DPP10: variants seen among roughly 807,000 people sequenced by gnomAD.
DPP10 encodes the protein inactive dipeptidyl peptidase 10.
DPP10 carries 33 observed loss-of-function variants against 120.9 expected under a neutral mutation model. The observed-to-expected ratio is 0.27, with a 90% CI of 0.21 to 0.37. The LOEUF (loss-of-function observed/expected upper bound fraction) is 0.37. Ranked by LOEUF, DPP10 falls within the 10% of genes least tolerant of loss-of-function variation. DPP10 has a pLI of 1.00. For synonymous variants in DPP10, 337 were observed against 326.1 expected, an observed-to-expected ratio of 1.03 and a Z score of -0.36; for missense variants, 816 against 942.8, an observed-to-expected ratio of 0.87 and a Z score of 1.76.
intron 3 of DPP10, among the ~76,000 whole-genome samples, chr2:115,488,789 A>G (rs1450336495): frequency 3.0e-5 from 4 of 132,234 alleles, no homozygotes; most frequent in Non-Finnish European, 6.4e-5. Flanking sequence ...TAGATGACAC[A>G]TTAGTGGGTG....
At chr2:115,378,853 T>G (rs1286901837) in intron 3 of DPP10, among the ~76,000 whole-genome samples, 1 of 152,158 alleles carries the variant, frequency 6.6e-6, no homozygotes, top group Admixed American at 6.5e-5. Flanking sequence ...CTGGATTACT[T>G]TTATTGATTT....
intron 4 of DPP10, among the ~76,000 whole-genome samples, chr2:115,521,783 G>A (rs186909230): frequency 9.5e-4 from 145 of 152,100 alleles, no homozygotes; most frequent in African/African-American, 3.3e-3. Flanking sequence ...AGTTGCCAAG[G>A]TAATAGTTCT....
chr2:115,653,671 A>G (rs1265812128), intron 5 of DPP10, among the ~76,000 whole-genome samples: 2 of 151,908 alleles, frequency 1.3e-5, no homozygotes, highest in Non-Finnish European at 2.9e-5. Context: ...TTTCTAGATG[A>G]TTCCATTCCC....
chr2:115,748,455 A>G (rs1385022352), intron 10 of DPP10, among the ~76,000 whole-genome samples: 1 of 152,052 alleles, frequency 6.6e-6, no homozygotes, highest in African/African-American at 2.4e-5. Context: ...TACAATAATA[A>G]TTGAATACAT....
intron 1 of DPP10, among the ~76,000 whole-genome samples, chr2:114,790,870 T>A (rs1286130825): frequency 6.6e-6 from 1 of 152,188 alleles, no homozygotes; most frequent in Admixed American, 6.5e-5. Context: ...TCTGGGCGAA[T>A]ACGTGCAGGT....
At chr2:114,718,428 A>T (rs1048203211) in intron 1 of DPP10, among the ~76,000 whole-genome samples, 3 of 140,114 alleles carry the variant, frequency 2.1e-5, no homozygotes, top group Non-Finnish European at 4.7e-5. Flanking sequence ...AAAAAAAATT[A>T]GTTCCTCAGT....
At chr2:114,582,693 AT>A (rs1446964438) in intron 1 of DPP10, among the ~76,000 whole-genome samples, 1 of 152,140 alleles carries the variant, frequency 6.6e-6, no homozygotes, top group African/African-American at 2.4e-5. Context: ...ATGACGTATG[AT>A]GTAGAGCCTG....
At chr2:114,841,815 G>T (rs1688182333) in intron 1 of DPP10, among the ~76,000 whole-genome samples, 1 of 152,112 alleles carries the variant, frequency 6.6e-6, no homozygotes, top group Non-Finnish European at 1.5e-5. Flanking sequence ...CCCTCAGATT[G>T]AGGTTTCCAA....
chr2:114,643,453 T>G lies in DPP10; in HGVS notation c.60+200615T>G, dbSNP rs1464564434. Among the ~76,000 whole-genome samples the G allele has an allele frequency of 3.9e-5, 6 of 152,010 alleles. 1 individual carries two copies. Among genetic ancestry groups the G allele is most frequent in the African/African-American group, 1.5e-4 (6 of 41,274 alleles). ...ACCATTCATAAGACTCTCTGGAGCA[T>G]GCAGGATACTGACAAGCTTTTTATT... On this transcript the variant is annotated intron_variant, in intron 1 of 25. Transcript: ENST00000410059.
chr2:114,755,660 A>T (rs147794531), intron 1 of DPP10, among the ~76,000 whole-genome samples: 278 of 152,148 alleles, frequency 1.8e-3, no homozygotes, highest in Non-Finnish European at 3.6e-3. Flanking sequence ...GATCCTATCC[A>T]CTCTTCTGAA....
At chr2:115,298,174 T>C (rs945633665) in intron 1 of DPP10, among the ~76,000 whole-genome samples, 1 of 152,068 alleles carries the variant, frequency 6.6e-6, no homozygotes, top group African/African-American at 2.4e-5. Flanking sequence ...TGTGAAATAG[T>C]CTCTGACCTG....
At chr2:114,982,797 G>C (rs1198151473) in intron 1 of DPP10, among the ~76,000 whole-genome samples, 1 of 151,530 alleles carries the variant, frequency 6.6e-6, no homozygotes, top group African/African-American at 2.4e-5. Context: ...TGTAGAAATG[G>C]AGTTTCGCCA....
chr2:114,462,023 C>T (rs1678958369), intron 1 of DPP10: 2 of 985,338 alleles, frequency 2.0e-6, no homozygotes, highest in South Asian at 9.4e-5. Flanking sequence ...CTTTCAAATT[C>T]ATCGCAGTTG....
intron 1 of DPP10, among the ~76,000 whole-genome samples, chr2:114,800,820 G>A (rs576950033): frequency 6.6e-6 from 1 of 152,066 alleles, no homozygotes; most frequent in Admixed American, 6.6e-5. Flanking sequence ...ACTGCCCTTG[G>A]TTAACATTTT....
At chr2:114,867,469 A>T (rs1294420193) in intron 1 of DPP10, among the ~76,000 whole-genome samples, 1 of 152,130 alleles carries the variant, frequency 6.6e-6, no homozygotes, top group Non-Finnish European at 1.5e-5. Flanking sequence ...TCTGCCCTCT[A>T]GGTAGAAGGT....
At position 114,506,073 on chromosome 2, in the gene DPP10, A is replaced by T. The variant is rs77522649; in HGVS notation, c.60+63235A>T. ...GGCAGAAGAAGGCAGGTCCCCGGCA[A>T]GGGCCCCAACCTCAAGCCTGAAACC... On this transcript the variant is annotated intron_variant, in intron 1 of 25. Transcript: ENST00000410059. Among the ~76,000 whole-genome samples the T allele has an allele frequency of 1.9e-3, 283 of 152,320 alleles. 4 individuals are homozygous for T. In the East Asian group the frequency reaches 0.034, roughly 18 times the overall value.
intron 1 of DPP10, among the ~76,000 whole-genome samples, chr2:114,752,255 T>A (rs1679302850): frequency 6.6e-6 from 1 of 152,156 alleles, no homozygotes; most frequent in African/African-American, 2.4e-5. Context: ...TCTTGGCAGT[T>A]TTTTCAGGGA....
intron 1 of DPP10, among the ~76,000 whole-genome samples, chr2:114,513,957 T>C (rs1490342672): frequency 2.0e-5 from 3 of 152,180 alleles, no homozygotes; most frequent in Non-Finnish European, 4.4e-5. Context: ...AAATTGACTC[T>C]AAGTGCATAA....
intron 3 of DPP10, among the ~76,000 whole-genome samples, chr2:115,352,944 T>C (rs1341824996): frequency 6.6e-6 from 1 of 152,034 alleles, no homozygotes; most frequent in East Asian, 1.9e-4. Flanking sequence ...TCTTTTTATT[T>C]GATACAGTCT....
Sources: gnomAD v4.1 joint callset for allele counts (sites outside exome capture counted in the v4.1 genomes callset) on GRCh38, gnomAD v4.1.1 for gene constraint, MANE v1.5 for transcripts, NCBI Gene and HGNC (gene_info 2026-07-23, HGNC 2026-07-21) for gene names.